The following CEP192 variants were observed in gnomAD, a reference collection of about 807,000 sequenced individuals.
CEP192 encodes centrosomal protein of 192 kDa.
Under a neutral mutation model 271.8 loss-of-function variants are expected in CEP192, and 151 were observed. The ratio of observed to expected loss-of-function variants is 0.56; its 90% confidence interval spans 0.49 to 0.64. The LOEUF (loss-of-function observed/expected upper bound fraction) is 0.64, where lower values mean the gene tolerates loss of function less well. Ranked by LOEUF, CEP192 falls within the 30% of genes least tolerant of loss-of-function variation. CEP192 has a pLI of 0.00. For missense variants in CEP192, 2,910 were observed against 3,020.5 expected, an observed-to-expected ratio of 0.96 and a Z score of 0.86; for synonymous variants, 995 against 1,076.5, an observed-to-expected ratio of 0.92 and a Z score of 1.48.
At chr18:13,030,139 A>C in intron 10 of CEP192, 137 bp downstream of exon 10, 2 of 732,642 alleles carry the variant, frequency 2.7e-6, no homozygotes, top group African/African-American at 3.5e-5. Context: ...AAAATTTTAA[A>C]TCTACTTGTA....
Position 12,999,444 on chromosome 18 carries a change from TAG to T in CEP192, c.21_22del (p.Ala8ArgfsTer15), listed in dbSNP as rs2145780976. On this transcript the variant is annotated frameshift_variant, in exon 2 of 45. Transcript: ENST00000506447. LOFTEE classifies it high-confidence loss of function. Reference sequence around the variant, plus strand: ...AGTGAGATGGAAGATTTTCGAGGTATAGCAGAAGAATCATTTCCAAGCTTTCT... The same window carrying T: ...AGTGAGATGGAAGATTTTCGAGGTATCAGAAGAATCATTTCCAAGCTTTCT... The T allele has an allele frequency of 1.3e-6, 2 of 1,548,558 alleles. No homozygotes were observed. Among genetic ancestry groups the T allele is most frequent in the East Asian group, 4.9e-5 (2 of 40,854 alleles).
intron 14 of CEP192, among the ~76,000 whole-genome samples, chr18:13,041,752 G>A (rs1251873863): frequency 6.6e-6 from 1 of 152,002 alleles, no homozygotes; most frequent in Non-Finnish European, 1.5e-5. Context: ...TTTTGGTAGA[G>A]ATAAGGTTTC....
intron 11 of CEP192, among the ~76,000 whole-genome samples, chr18:13,034,475 T>G (rs370279710): frequency 1.1e-4 from 16 of 152,206 alleles, no homozygotes; most frequent in African/African-American, 3.6e-4. Context: ...AAATGAAAAT[T>G]TGCCTACTTA....
chr18:13,105,156 G>A (rs1433142241), intron 40 of CEP192, 77 bp downstream of exon 40: 3 of 1,019,744 alleles, frequency 2.9e-6, no homozygotes, highest in Non-Finnish European at 4.7e-6. Context: ...CACCCATTTA[G>A]CTTGTTTCAC....
At chr18:12,996,071 G>T (rs2033211951) in intron 1 of CEP192, among the ~76,000 whole-genome samples, 1 of 152,122 alleles carries the variant, frequency 6.6e-6, no homozygotes, top group Non-Finnish European at 1.5e-5. Flanking sequence ...GAGTGAGGAC[G>T]TTTCAGTAAT....
chr18:13,121,785 C>G (rs2040672463), intron 44 of CEP192, among the ~76,000 whole-genome samples: 1 of 152,188 alleles, frequency 6.6e-6, no homozygotes, highest in South Asian at 2.1e-4. Context: ...GCAAGGTGCA[C>G]AATCCTGGCA....
rs1169473037 is a variant in CEP192, at chr18:13,116,487, C to G, written c.7400C>G (p.Ser2467Cys). Reference protein sequence around the residue: ...RTLKVNLRNNSFITHSLKFLS... With the variant: ...RTLKVNLRNNCFITHSLKFLS... ...CTTAAAGTCAATCTGCGAAATAATT[C>G]TTTTATTACACACTCAGTAAGTTGG... is the stretch of plus-strand genomic sequence containing the variant. The change falls in exon 43 of 45, where the codon TCT becomes TGT. Residue 2467 changes from serine (S) to cysteine (C), a missense_variant. Ser to Cys is a moderately radical substitution (Grantham distance 112, BLOSUM62 -1). Transcript: ENST00000506447. The G allele has an allele frequency of 1.9e-6, 3 of 1,607,260 alleles. No individual in the cohort carries two copies. The highest frequency in any genetic ancestry group is 1.6e-4 in the Middle Eastern group (1 of 6,076).
intron 44 of CEP192, among the ~76,000 whole-genome samples, chr18:13,123,788 A>T (rs1375631854): frequency 1.3e-5 from 2 of 152,092 alleles, no homozygotes; most frequent in Admixed American, 1.3e-4. Context: ...CCCCTAGAAT[A>T]CTGTTTTTAA....
intron 36 of CEP192, among the ~76,000 whole-genome samples, chr18:13,096,570 C>G (rs1009581641): frequency 2.0e-5 from 3 of 152,168 alleles, no homozygotes; most frequent in African/African-American, 7.2e-5. Flanking sequence ...AACAGAGTCC[C>G]TGGTATGGAA....
At chr18:13,116,348 C>A in intron 42 of CEP192, 29 bp from the exon 43 acceptor site, 2 of 1,601,334 alleles carry the variant, frequency 1.2e-6, no homozygotes. Flanking sequence ...ATTTCAGATT[C>A]TTAACTTTTA....
chr18:13,013,606 T>TGC, intron 5 of CEP192, among the ~76,000 whole-genome samples: 1 of 152,308 alleles, frequency 6.6e-6, no homozygotes, highest in Non-Finnish European at 1.5e-5. Context: ...TCTGTGTGTG[T>TGC]GCTTGTGCGT....
In CEP192 at chr18:13,061,536, T is replaced by C. The variant is rs1007764594; in HGVS notation, c.4488+2224T>C. On this transcript the variant is annotated intron_variant, in intron 21 of 44. Transcript: ENST00000506447. The stretch of plus-strand genomic sequence containing the variant: ...TCTAGGGCATGGAGGAGGAATTTGA[T>C]TGGAAATGTTCTTTATAAAGTTTTT... Among the ~76,000 whole-genome samples, 86 of 152,260 alleles carry C rather than the reference T, an allele frequency of 5.6e-4. 2 individuals carry two copies. The highest frequency in any genetic ancestry group is 1.0e-4 in the Non-Finnish European group (7 of 68,042).
rs1206205989 is a variant in CEP192 at position 13,017,380 on chromosome 18, A to G, written c.789+44A>G. ...GATTTTTCAGAAATTTGACATTAGA[A>G]AATTACTATTGGTCTCCTTGGATGT... On this transcript the variant is annotated intron_variant, in intron 7 of 44. Coordinates refer to ENST00000506447, the MANE Select transcript of CEP192 (RefSeq NM_032142.4). 7.1e-6 allele frequency: 10 copies of G among 1,405,366 alleles called. No individual in the cohort carries two copies. The Admixed American group carries it at 1.9e-4, about 27-fold the overall frequency. The allele number at this position is 1,405,366 out of a possible 1,614,324, so 87.1% of individuals were successfully genotyped here.
At chr18:13,108,066 A>G (rs2040039717) in intron 40 of CEP192, among the ~76,000 whole-genome samples, 1 of 152,212 alleles carries the variant, frequency 6.6e-6, no homozygotes, top group South Asian at 2.1e-4. Context: ...TCCTTATTCA[A>G]TAAGTAGTAC....
intron 1 of CEP192, among the ~76,000 whole-genome samples, chr18:12,994,083 G>C (rs918710756): frequency 6.6e-6 from 1 of 152,194 alleles, no homozygotes; most frequent in African/African-American, 2.4e-5. Context: ...CTGAGTACCT[G>C]CTGTGTGCTA....
intron 7 of CEP192, among the ~76,000 whole-genome samples, chr18:13,017,572 G>A (rs2034729229): frequency 6.6e-6 from 1 of 152,106 alleles, no homozygotes; most frequent in South Asian, 2.1e-4. Flanking sequence ...TCTTCCTCCA[G>A]TTAACCAATT....
At chr18:13,092,945 G>A (rs542045019) in intron 34 of CEP192, among the ~76,000 whole-genome samples, 13 of 152,054 alleles carry the variant, frequency 8.5e-5, no homozygotes, top group Non-Finnish European at 1.3e-4. Context: ...ACGAGGTCAG[G>A]AGATCGAGAT....
chr18:13,041,362 G>T (rs1598430667), intron 14 of CEP192, among the ~76,000 whole-genome samples: 1 of 152,048 alleles, frequency 6.6e-6, no homozygotes, highest in East Asian at 1.9e-4. Context: ...TTCTTGGTCA[G>T]CTTGGAATTA....
At chr18:13,026,823 A>G (rs2035328267) in intron 9 of CEP192, among the ~76,000 whole-genome samples, 1 of 152,018 alleles carries the variant, frequency 6.6e-6, no homozygotes, top group South Asian at 2.1e-4. Context: ...TAGAATATTC[A>G]TCATAATTGT....
Sources: allele counts gnomAD v4.1 joint callset (sites outside exome capture counted in the v4.1 genomes callset), GRCh38; gene constraint gnomAD v4.1.1; transcripts MANE v1.5; gene names NCBI Gene and HGNC (gene_info 2026-07-23, HGNC 2026-07-21).